Variants in JMJD1C observed in about 807,000 individuals in gnomAD.
JMJD1C encodes the protein jumonji domain containing 1C, also known as jumonji domain-containing protein 1C.
Under a neutral mutation model 245.3 loss-of-function variants are expected in JMJD1C, and 31 were observed. That is an observed-to-expected ratio of 0.13 (90% CI 0.09 to 0.17). The LOEUF is 0.17. Ranked by LOEUF, JMJD1C falls within the 10% of genes least tolerant of loss-of-function variation. JMJD1C has a pLI of 1.00. For synonymous variants in JMJD1C, 1,057 were observed against 1,017.4 expected (o/e 1.04, Z -0.74); for missense variants, 2,691 against 3,000.2 (o/e 0.90, Z 2.41).
chr10:63,322,975 GTATT>G (rs1323509183), intron 2 of JMJD1C, among the ~76,000 whole-genome samples: 7 of 151,464 alleles, frequency 4.6e-5, no homozygotes, highest in Admixed American at 2.0e-4. Flanking sequence ...GCTGGGAAAA[GTATT>G]TAATATATAT....
At position 63,415,815 on chromosome 10, in the gene JMJD1C, G is replaced by C. The variant is rs146362892; in HGVS notation, c.169-35333C>G. Among the ~76,000 whole-genome samples the C allele has an allele frequency of 3.2e-3, 490 of 152,288 alleles. 2 individuals are homozygous for C. The highest frequency in any genetic ancestry group is 0.011 in the African/African-American group (475 of 41,562). On this transcript the variant is annotated intron_variant, in intron 1 of 25. Transcript: ENST00000399262. ...ATAAGCACCTGCAGAAAAAGATACA[G>C]TCTGGCAACTGCTGATACTATCAAT...
At chr10:63,484,448 T>C (rs1953929743) in intron 1 of JMJD1C, among the ~76,000 whole-genome samples, 1 of 152,162 alleles carries the variant, frequency 6.6e-6, no homozygotes, top group Non-Finnish European at 1.5e-5. Context: ...TTTCCAAATA[T>C]ATCCCTTTTC....
intron 1 of JMJD1C, among the ~76,000 whole-genome samples, chr10:63,394,255 A>C (rs1948304491): frequency 6.6e-6 from 1 of 152,114 alleles, no homozygotes; most frequent in Non-Finnish European, 1.5e-5. Context: ...ACAGATGAAT[A>C]AGAGAATAAA....
chr10:63,442,485 C>T (rs1951449071), intron 1 of JMJD1C, among the ~76,000 whole-genome samples: 1 of 152,152 alleles, frequency 6.6e-6, no homozygotes, highest in Non-Finnish European at 1.5e-5. Flanking sequence ...ATTATATCAT[C>T]TGTAACTTCT....
intron 24 of JMJD1C, among the ~76,000 whole-genome samples, chr10:63,170,249 C>T (rs901721731): frequency 1.3e-5 from 2 of 152,186 alleles, no homozygotes; most frequent in African/African-American, 4.8e-5. Flanking sequence ...AATGTCTGGG[C>T]TTCCCGGGGA....
rs146283663 is a variant in JMJD1C, at chr10:63,271,409, C to T, written c.334-6645G>A. Among the ~76,000 whole-genome samples the T allele has an allele frequency of 1.7e-3, 258 of 152,020 alleles. 3 individuals are homozygous for T. The highest frequency in any genetic ancestry group is 6.0e-3 in the African/African-American group (247 of 41,438). On this transcript the variant is annotated intron_variant, in intron 2 of 25. Coordinates refer to ENST00000399262, the MANE Select transcript of JMJD1C (RefSeq NM_032776.3). ...ACCAGGCTGGTTTCGGATCCCTGGC[C>T]TCAAATGATCCACCGATCTCAGCCT...
intron 1 of JMJD1C, among the ~76,000 whole-genome samples, chr10:63,391,613 T>C (rs1412210166): frequency 6.6e-6 from 1 of 152,048 alleles, no homozygotes; most frequent in Non-Finnish European, 1.5e-5. Context: ...AGGGAAAAGA[T>C]GCCTACAATG....
At chr10:63,189,521 T>C (rs1023295589) in intron 17 of JMJD1C, 75 bp from the exon 18 acceptor site, 45 of 1,169,750 alleles carry the variant, frequency 3.8e-5, no homozygotes, top group South Asian at 2.7e-4. Flanking sequence ...CACAGACTTA[T>C]TTTTTTTTAA....
chr10:63,485,742 T>C (rs16918506), intron 1 of JMJD1C, among the ~76,000 whole-genome samples: 5,605 of 152,218 alleles, frequency 0.037, 330 homozygotes, highest in East Asian at 0.29. Flanking sequence ...CAGTGCTATA[T>C]GAATGAACTA....
chr10:63,452,883 G>T (rs745429100), intron 1 of JMJD1C, among the ~76,000 whole-genome samples: 3 of 152,158 alleles, frequency 2.0e-5, no homozygotes, highest in Non-Finnish European at 4.4e-5. Context: ...ACATTAGATA[G>T]AGAGTTTCTG....
At chr10:63,355,247 C>A (rs1944734726) in intron 2 of JMJD1C, among the ~76,000 whole-genome samples, 1 of 152,188 alleles carries the variant, frequency 6.6e-6, no homozygotes, top group African/African-American at 2.4e-5. Flanking sequence ...GACCCATCAC[C>A]TGGTTTCAAG....
chr10:63,402,231 T>A (rs1948909789), intron 1 of JMJD1C, among the ~76,000 whole-genome samples: 1 of 150,332 alleles, frequency 6.7e-6, no homozygotes. Flanking sequence ...ATGAAAAAAA[T>A]GCTCAATATC....
At chr10:63,378,099 T>C (rs1196320376) in intron 2 of JMJD1C, among the ~76,000 whole-genome samples, 1 of 151,786 alleles carries the variant, frequency 6.6e-6, no homozygotes, top group East Asian at 1.9e-4. Flanking sequence ...TTCTTTTGTA[T>C]ATGATAAAGT....
chr10:63,244,819 G>A (rs1044250220), intron 3 of JMJD1C, among the ~76,000 whole-genome samples: 2 of 146,042 alleles, frequency 1.4e-5, no homozygotes, highest in African/African-American at 5.1e-5. Flanking sequence ...AAAAAAAAAG[G>A]GGGGGGGAGG....
chr10:63,235,994 C>A (rs899964029), intron 3 of JMJD1C, among the ~76,000 whole-genome samples: 5 of 152,102 alleles, frequency 3.3e-5, no homozygotes, highest in African/African-American at 1.2e-4. Context: ...TATTCCAAGA[C>A]TAGAAATGGA....
chr10:63,465,856 T>C lies in JMJD1C; in HGVS notation c.-194A>G, dbSNP rs1352121884. The C allele has an allele frequency of 1.4e-6, 1 of 700,808 alleles. No individual in the cohort carries two copies. Among genetic ancestry groups the C allele is most frequent in the Admixed American group, 2.0e-5 (1 of 48,848 alleles). 43.4% of individuals were successfully genotyped at this position (700,808 alleles called of 1,614,324 possible). On this transcript the variant is annotated 5_prime_UTR_variant, in exon 1 of 26. Coordinates refer to ENST00000399262, the MANE Select transcript of JMJD1C (RefSeq NM_032776.3). Reference sequence around the variant, plus strand: ...CGGGCCCTCCCCGCAAACACTCCTTTGGACTCCCAGATTCGCAGCCTTGTG... The same window carrying C: ...CGGGCCCTCCCCGCAAACACTCCTTCGGACTCCCAGATTCGCAGCCTTGTG...
chr10:63,332,527 G>C (rs1942266398), intron 2 of JMJD1C, among the ~76,000 whole-genome samples: 1 of 152,212 alleles, frequency 6.6e-6, no homozygotes, highest in African/African-American at 2.4e-5. Context: ...AAAGAAGGCA[G>C]AGAAAGAAAT....
intron 2 of JMJD1C, among the ~76,000 whole-genome samples, chr10:63,327,973 A>G (rs1941720335): frequency 6.6e-6 from 1 of 151,850 alleles, no homozygotes; most frequent in Non-Finnish European, 1.5e-5. Context: ...CCCGGCTGAA[A>G]TTTTTTAGAA....
chr10:63,448,614 C>T (rs970353860), intron 1 of JMJD1C, among the ~76,000 whole-genome samples: 2 of 152,162 alleles, frequency 1.3e-5, no homozygotes, highest in Non-Finnish European at 2.9e-5. Flanking sequence ...AGTCAGTTTG[C>T]TATTCTCCAA....
Sources: gnomAD v4.1 joint callset for allele counts (sites outside exome capture counted in the v4.1 genomes callset) on GRCh38, gnomAD v4.1.1 for gene constraint, MANE v1.5 for transcripts, NCBI Gene and HGNC (gene_info 2026-07-23, HGNC 2026-07-21) for gene names.